SRGAP3: variants seen among roughly 807,000 people sequenced by gnomAD.
The protein encoded by SRGAP3 is SLIT-ROBO Rho GTPase-activating protein 3.
A neutral mutation model predicts 121.1 loss-of-function variants in SRGAP3; 39 were observed. That is an observed-to-expected ratio of 0.32 (90% CI 0.25 to 0.42). The LOEUF (loss-of-function observed/expected upper bound fraction) is 0.42. Among genes scored for constraint, SRGAP3 ranks in the 10% least tolerant of loss-of-function variants. SRGAP3 has a pLI of 1.00. For synonymous variants in SRGAP3, 601 were observed against 570.0 expected (o/e 1.05, Z -0.77); for missense variants, 1,213 against 1,470.6 (o/e 0.82, Z 2.86).
At chr3:9,335,949 C>T (rs1001071104) in intron 1 of SRGAP3, among the ~76,000 whole-genome samples, 2 of 152,058 alleles carry the variant, frequency 1.3e-5, no homozygotes, top group Admixed American at 6.6e-5. Context: ...TGGGACTTCA[C>T]TTGGACCTTG....
chr3:9,197,038 A>C (rs1951939461), intron 1 of SRGAP3, among the ~76,000 whole-genome samples: 1 of 152,242 alleles, frequency 6.6e-6, no homozygotes, highest in South Asian at 2.1e-4. Flanking sequence ...AGAACATACC[A>C]GGTTCTTTTT....
rs191357416 is a variant in SRGAP3, at chr3:9,036,819, C to G, written c.1436+1244G>C. On this transcript the variant is annotated intron_variant, in intron 11 of 21. Transcript: ENST00000383836. ...TTTTGAGACTATGACAACATTCTCTCGCCAGAAAAGAAAAAAAAATTATAA... is the reference window on the plus strand; with the variant it reads ...TTTTGAGACTATGACAACATTCTCTGGCCAGAAAAGAAAAAAAAATTATAA... 3 of 152,158 alleles carry G rather than the reference C, an allele frequency of 2.0e-5. No individual in the cohort carries two copies. The East Asian group carries it at 5.8e-4, about 29-fold the overall frequency. The allele number at this position is 152,158 out of a possible 1,614,324, so 9.4% of individuals were successfully genotyped here. A position where few individuals can be genotyped will look rare whatever the true frequency, so the allele number is the denominator to read the frequency against.
At chr3:8,991,918 C>T (rs1016037822) in intron 20 of SRGAP3, among the ~76,000 whole-genome samples, 1 of 151,994 alleles carries the variant, frequency 6.6e-6, no homozygotes, top group Non-Finnish European at 1.5e-5. Flanking sequence ...GAGGTGAGGG[C>T]GGGGGACAAG....
chr3:9,181,726 A>G (rs1252790589), intron 1 of SRGAP3, among the ~76,000 whole-genome samples: 1 of 152,162 alleles, frequency 6.6e-6, no homozygotes, highest in African/African-American at 2.4e-5. Flanking sequence ...GAAAGTTATC[A>G]TTTTTTAAAG....
intron 1 of SRGAP3, among the ~76,000 whole-genome samples, chr3:9,160,957 T>C (rs1291574255): frequency 2.0e-5 from 3 of 152,022 alleles, no homozygotes; most frequent in Admixed American, 2.0e-4. Context: ...TATAAATGAA[T>C]AAATGAAAGA....
At chr3:9,165,091 T>A (rs1950737394) in intron 1 of SRGAP3, among the ~76,000 whole-genome samples, 1 of 152,246 alleles carries the variant, frequency 6.6e-6, no homozygotes, top group Admixed American at 6.5e-5. Context: ...GTCAGGCCTT[T>A]GAGCCAGGAG....
Position 9,104,797 on chromosome 3 carries a change from A to G in SRGAP3, c.306T>C (p.Val102=), listed in dbSNP as rs1158118555. ...GGCTCTCCCGCCGGGTCTGATGCAG[A>G]ACCAGATACCAACAGTTCACAGGCG... ...LLSPVNCWYL[V]LHQTRRESRD... is the part of the protein sequence containing the mutation. The change falls in exon 3 of 22, where the codon GTT becomes GTC. Residue 102 remains valine, a synonymous_variant. Transcript: ENST00000383836. 1.2e-6 allele frequency: 2 copies of G among 1,614,276 alleles called. No individual in the cohort carries two copies. Among genetic ancestry groups the G allele is most frequent in the African/African-American group, 1.3e-5 (1 of 75,076 alleles).
chr3:8,982,324 C>T lies in SRGAP3; in HGVS notation c.*3195G>A, dbSNP rs969537892. ...CCCGTTGTCAACTAACTGATCAGTA[C>T]GGCTTTCAATAATGGTGATGAACAA... On this transcript the variant is annotated 3_prime_UTR_variant, in exon 22 of 22. Transcript: ENST00000383836. 5 of 227,054 alleles carry T rather than the reference C, an allele frequency of 2.2e-5. No individual in the cohort carries two copies. Among genetic ancestry groups the T allele is most frequent in the Middle Eastern group, 1.3e-3 (1 of 774 alleles). The allele number at this position is 227,054 out of a possible 1,614,324, so 14.1% of individuals were successfully genotyped here.
intron 1 of SRGAP3, among the ~76,000 whole-genome samples, chr3:9,332,572 T>C (rs1955626038): frequency 6.6e-6 from 1 of 152,202 alleles, no homozygotes; most frequent in Non-Finnish European, 1.5e-5. Flanking sequence ...CAGATACTGA[T>C]GAGACAGTGC....
intron 21 of SRGAP3, among the ~76,000 whole-genome samples, chr3:8,989,920 G>A (rs1395390553): frequency 6.6e-6 from 1 of 152,172 alleles, no homozygotes; most frequent in East Asian, 1.9e-4. Flanking sequence ...CCCTGCCTAG[G>A]TGCAATCCTC....
intron 1 of SRGAP3, among the ~76,000 whole-genome samples, chr3:9,127,179 A>G (rs1015144921): frequency 1.3e-5 from 2 of 148,378 alleles, no homozygotes; most frequent in Admixed American, 6.7e-5. Flanking sequence ...AAAAAAAAAA[A>G]GTTTTAAATT....
At chr3:9,327,388 A>T (rs1955538374) in intron 2 of SRGAP3, among the ~76,000 whole-genome samples, 1 of 149,656 alleles carries the variant, frequency 6.7e-6, no homozygotes, top group Non-Finnish European at 1.5e-5. Context: ...TTTATTTAAC[A>T]ATCCTTTAAC....
At chr3:9,210,960 G>A (rs1050519145) in intron 1 of SRGAP3, among the ~76,000 whole-genome samples, 10 of 152,084 alleles carry the variant, frequency 6.6e-5, no homozygotes, top group South Asian at 4.1e-4. Context: ...ACATTAGTAC[G>A]TACTAAAAAC....
chr3:9,131,223 C>T (rs572930642), intron 1 of SRGAP3, among the ~76,000 whole-genome samples: 1 of 151,974 alleles, frequency 6.6e-6, no homozygotes, highest in East Asian at 1.9e-4. Context: ...ATTCAGCAGA[C>T]GTTTCCCCCC....
chr3:8,994,471 C>T lies in SRGAP3; in HGVS notation c.2280G>A (p.Pro760=), dbSNP rs376432140. 141 of 1,613,998 alleles carry T rather than the reference C, an allele frequency of 8.7e-5. No homozygotes were observed. The highest frequency in any genetic ancestry group is 1.1e-4 in the Non-Finnish European group (130 of 1,180,030). Residue 760 remains proline (P), a synonymous_variant, in exon 19 of 22, where the codon CCG becomes CCA. Coordinates refer to ENST00000383836, the MANE Select transcript of SRGAP3 (RefSeq NM_014850.4). The part of the protein sequence containing the change: ...IAKFDYMGRS[P]RELSFKKGAS... Reference sequence around the variant, plus strand: ...CCCCCTTCTTGAAGGATAGCTCACGCGGGGACCGCCCCATGTAGTCAAACT... The same window carrying T: ...CCCCCTTCTTGAAGGATAGCTCACGTGGGGACCGCCCCATGTAGTCAAACT...
chr3:9,019,904 G>A (rs1943828716), intron 14 of SRGAP3, among the ~76,000 whole-genome samples: 1 of 152,212 alleles, frequency 6.6e-6, no homozygotes, highest in African/African-American at 2.4e-5. Flanking sequence ...ACGTGAGAAT[G>A]CTGCCTCCAT....
chr3:9,027,914 A>C (rs932876504), intron 12 of SRGAP3, among the ~76,000 whole-genome samples: 8 of 152,162 alleles, frequency 5.3e-5, no homozygotes, highest in Non-Finnish European at 1.2e-4. Context: ...GACAGCATGG[A>C]TTTGGATATG....
At chr3:9,316,788 C>T (rs1265950685) in intron 3 of SRGAP3, among the ~76,000 whole-genome samples, 1 of 152,186 alleles carries the variant, frequency 6.6e-6, no homozygotes, top group Non-Finnish European at 1.5e-5. Context: ...CAAGCAATTT[C>T]TAACATTAAA....
chr3:9,236,950 T>C (rs62244906), intron 1 of SRGAP3, among the ~76,000 whole-genome samples: 18,419 of 152,200 alleles, frequency 0.12, 1,401 homozygotes, highest in Middle Eastern at 0.18. Flanking sequence ...AGGAACTCAA[T>C]TAATAGAATA....
Sources: allele counts gnomAD v4.1 joint callset (sites outside exome capture counted in the v4.1 genomes callset), GRCh38; gene constraint gnomAD v4.1.1; transcripts MANE v1.5; gene names NCBI Gene and HGNC (gene_info 2026-07-23, HGNC 2026-07-21).